Variants in IRAG2 observed in about 807,000 individuals in gnomAD.
The protein encoded by IRAG2 is inositol 1,4,5-triphosphate receptor associated 2.
A neutral mutation model predicts 69.9 loss-of-function variants in IRAG2; 45 were observed. That is an observed-to-expected ratio of 0.64 (90% CI 0.51 to 0.83). The LOEUF (loss-of-function observed/expected upper bound fraction) is 0.83. Ranked by LOEUF, IRAG2 falls within the 40% of genes least tolerant of loss-of-function variation. IRAG2 has a pLI of 0.00. For missense variants in IRAG2, 520 were observed against 587.0 expected, an observed-to-expected ratio of 0.89 and a Z score of 1.18; for synonymous variants, 193 against 202.4, an observed-to-expected ratio of 0.95 and a Z score of 0.40.
At chr12:25,041,066 G>A (rs1178526190) in intron 16 of IRAG2, among the ~76,000 whole-genome samples, 6 of 152,172 alleles carry the variant, frequency 3.9e-5, no homozygotes, top group Admixed American at 2.6e-4. Context: ...TGAGTGGGGC[G>A]AGGGAGTGAG....
intron 2 of IRAG2, among the ~76,000 whole-genome samples, chr12:25,010,881 T>G (rs529191698): frequency 2.0e-4 from 31 of 152,334 alleles, no homozygotes; most frequent in African/African-American, 7.0e-4. Context: ...TAGGGATGAC[T>G]GTCTAAAAAT....
intron 20 of IRAG2, among the ~76,000 whole-genome samples, chr12:25,104,809 T>TA (rs1213375276): frequency 1.3e-5 from 2 of 152,150 alleles, no homozygotes; most frequent in African/African-American, 4.8e-5. Context: ...TATATATTTT[T>TA]AAAAACATGA....
chr12:25,018,069 A>G (rs1944546073), intron 6 of IRAG2, among the ~76,000 whole-genome samples: 1 of 151,662 alleles, frequency 6.6e-6, no homozygotes, highest in South Asian at 2.1e-4. Flanking sequence ...GATATATCAG[A>G]TTTTGTTTAT....
Position 25,028,893 on chromosome 12 carries a change from TAATC to T in IRAG2, c.1462-1383_1462-1380del, listed in dbSNP as rs543041693. ...AATTTTTTAAAAATTAACTAACAAA[TAATC>T]AGTTAATTTGTGAATTTAAAGATGG... On this transcript the variant is annotated intron_variant, in intron 9 of 38. Coordinates refer to the IRAG2 transcript ENST00000636465. Among the ~76,000 whole-genome samples the T allele has an allele frequency of 1.8e-4, 28 of 152,314 alleles. 1 individual carries two copies. The South Asian group carries it at 2.1e-3, about 11-fold the overall frequency.
chr12:25,083,539 A>G, intron 10 of IRAG2, 46 bp downstream of exon 10: 2 of 1,129,992 alleles, frequency 1.8e-6, no homozygotes, highest in Non-Finnish European at 2.7e-6. Flanking sequence ...GTATCTTACA[A>G]TGGTAGAACT....
At chr12:24,998,243 A>C in the IRAG2 span, among the ~76,000 whole-genome samples, 1 of 152,214 alleles carries the variant, frequency 6.6e-6, no homozygotes, top group African/African-American at 2.4e-5. Flanking sequence ...CCAGCCAAGA[A>C]GCTTAATATA....
intron 10 of IRAG2, among the ~76,000 whole-genome samples, chr12:25,085,647 C>T (rs937913884): frequency 6.7e-5 from 10 of 149,396 alleles, no homozygotes; most frequent in Non-Finnish European, 1.5e-4. Flanking sequence ...AACAGGAGTG[C>T]CTGTTCTCAC....
At chr12:25,085,767 T>C (rs1390974941) in intron 10 of IRAG2, among the ~76,000 whole-genome samples, 1 of 140,362 alleles carries the variant, frequency 7.1e-6, no homozygotes, top group Non-Finnish European at 1.5e-5. Context: ...TCCTCTTATA[T>C]ACTTTAAATC....
chr12:25,011,648 T>A lies in IRAG2; in HGVS notation c.896+97T>A. On this transcript the variant is annotated intron_variant, in intron 3 of 38. Coordinates refer to the IRAG2 transcript ENST00000636465. ...GTTTCCTGTGTTGATGGAAATACTATTGTCCAGTGCTTTAGCATGCATTAG... is the reference window on the plus strand; with the variant it reads ...GTTTCCTGTGTTGATGGAAATACTAATGTCCAGTGCTTTAGCATGCATTAG... 2 of 812,470 alleles carry A rather than the reference T, an allele frequency of 2.5e-6. 1 individual carries two copies. 50.3% of individuals were successfully genotyped at this position (812,470 alleles called of 1,614,324 possible).
At chr12:25,069,028 A>G (rs563532607) in intron 5 of IRAG2, among the ~76,000 whole-genome samples, 1 of 152,310 alleles carries the variant, frequency 6.6e-6, no homozygotes, top group East Asian at 1.9e-4. Context: ...TCCTTAGGAA[A>G]CATTAAAAAA....
chr12:25,062,619 T>C (rs184385280), intron 2 of IRAG2, among the ~76,000 whole-genome samples: 1 of 152,374 alleles, frequency 6.6e-6, no homozygotes, highest in East Asian at 1.9e-4. Flanking sequence ...TCAGATTTCA[T>C]TCCTAGATCA....
At chr12:25,018,265 C>T (rs904859792) in intron 6 of IRAG2, among the ~76,000 whole-genome samples, 13 of 142,586 alleles carry the variant, frequency 9.1e-5, no homozygotes, top group Admixed American at 5.9e-4. Context: ...GGCACGATCT[C>T]AGCTCACTGC....
At chr12:25,086,224 A>G (rs1947598284) in intron 10 of IRAG2, among the ~76,000 whole-genome samples, 1 of 152,232 alleles carries the variant, frequency 6.6e-6, no homozygotes, top group African/African-American at 2.4e-5. Context: ...GGAGAAAAGG[A>G]GATAAATTTG....
At chr12:25,012,143 CCTTTTTTTTTTTTT>C (rs772937270) in intron 3 of IRAG2, among the ~76,000 whole-genome samples, 2 of 24,094 alleles carry the variant, frequency 8.3e-5, no homozygotes, top group African/African-American at 1.5e-4. Context: ...AAGCGAATTC[CCTTTTTTTTTTTTT>C]TTTTTTTTTT....
intron 1 of IRAG2, among the ~76,000 whole-genome samples, chr12:25,060,551 A>C (rs922762648): frequency 1.3e-5 from 2 of 151,850 alleles, no homozygotes; most frequent in Admixed American, 6.6e-5. Flanking sequence ...TCTGAGATCT[A>C]CTTGTAGGAT....
upstream of IRAG2, among the ~76,000 whole-genome samples, chr12:24,999,541 T>C (rs1944376145): frequency 1.3e-5 from 2 of 152,224 alleles, no homozygotes; most frequent in Admixed American, 1.3e-4. Context: ...ATCGATAATC[T>C]CTAACATCAT....
chr12:25,075,544 GTGTGTGTGTGTGTA>G (rs1189487837), intron 6 of IRAG2, among the ~76,000 whole-genome samples: 55 of 146,788 alleles, frequency 3.7e-4, no homozygotes, highest in African/African-American at 1.1e-3. Flanking sequence ...GTGTGTGTGT[GTGTGTGTGTGTGTA>G]TGTGTGTCTC....
intron 16 of IRAG2, among the ~76,000 whole-genome samples, chr12:25,044,944 A>G (rs1944780484): frequency 6.6e-6 from 1 of 152,136 alleles, no homozygotes; most frequent in Admixed American, 6.5e-5. Flanking sequence ...GCCCAACTGC[A>G]GTAGAATATA....
chr12:25,027,543 C>T (rs952491145), intron 9 of IRAG2, among the ~76,000 whole-genome samples: 3 of 151,820 alleles, frequency 2.0e-5, no homozygotes, highest in Non-Finnish European at 4.4e-5. Context: ...TACAGGCACC[C>T]GCCACCACAC....
Sources: allele counts gnomAD v4.1 joint callset (sites outside exome capture counted in the v4.1 genomes callset), GRCh38; gene constraint gnomAD v4.1.1; transcripts MANE v1.5; gene names NCBI Gene and HGNC (gene_info 2026-07-23, HGNC 2026-07-21).